TTC6: variants seen among roughly 807,000 people sequenced by gnomAD.
TTC6 encodes tetratricopeptide repeat domain 6.
A neutral mutation model predicts 210.4 loss-of-function variants in TTC6; 172 were observed. That is an observed-to-expected ratio of 0.82 (90% CI 0.72 to 0.93). The LOEUF (loss-of-function observed/expected upper bound fraction) is 0.93. TTC6 is among the 40% of genes least tolerant of loss of function. The pLI is 0.00. For missense variants in TTC6, 2,414 were observed against 2,318.1 expected, an observed-to-expected ratio of 1.04 and a Z score of -0.85; for synonymous variants, 804 against 819.6, an observed-to-expected ratio of 0.98 and a Z score of 0.32.
intron 14 of TTC6, among the ~76,000 whole-genome samples, chr14:37,765,449 G>A (rs1361030181): frequency 6.6e-6 from 1 of 151,022 alleles, no homozygotes; most frequent in Non-Finnish European, 1.5e-5. Flanking sequence ...CTGAAGTGCT[G>A]GGATTACAGA....
chr14:37,677,989 T>C (rs551269477), intron 1 of TTC6, among the ~76,000 whole-genome samples: 1 of 152,162 alleles, frequency 6.6e-6, no homozygotes, highest in Non-Finnish European at 1.5e-5. Context: ...AATTCTGAAA[T>C]GTATATCATT....
At chr14:37,717,169 C>G (rs1957598) in intron 6 of TTC6, among the ~76,000 whole-genome samples, 1 of 150,984 alleles carries the variant, frequency 6.6e-6, no homozygotes, top group Non-Finnish European at 1.5e-5. Flanking sequence ...AAGAACCCCC[C>G]AAAAAAAGAG....
chr14:37,611,949 C>G (rs535080923), intron 2 of TTC6, among the ~76,000 whole-genome samples: 10 of 152,062 alleles, frequency 6.6e-5, no homozygotes, highest in Non-Finnish European at 1.3e-4. Flanking sequence ...CACAATGGAA[C>G]TGTTGCAAAC....
exon 11 of TTC6, chr14:37,749,361 A>G: frequency 6.8e-7 from 1 of 1,464,958 alleles, no homozygotes; most frequent in Non-Finnish European, 9.0e-7. Context: ...ATTTATAGGA[A>G]ACTGGGAAAG....
intron 30 of TTC6, 97 bp from the exon 33 acceptor site, chr14:37,842,058 A>AT (rs956645933): frequency 2.6e-6 from 3 of 1,162,382 alleles, no homozygotes; most frequent in African/African-American, 3.2e-5. Flanking sequence ...CATTGAGTTA[A>AT]TTTTTTTAAA....
chr14:37,779,641 A>G (rs563743533), intron 14 of TTC6, among the ~76,000 whole-genome samples: 96 of 152,262 alleles, frequency 6.3e-4, no homozygotes, highest in African/African-American at 2.1e-3. Context: ...TTGCCTCTAA[A>G]ATTATCCCAG....
At chr14:37,717,078 C>T (rs1402046613) in intron 6 of TTC6, among the ~76,000 whole-genome samples, 1 of 151,470 alleles carries the variant, frequency 6.6e-6, no homozygotes, top group Non-Finnish European at 1.5e-5. Context: ...ATTTGTGGGA[C>T]ATAGCTAAGC....
chr14:37,825,381 T>C (rs561256059), intron 27 of TTC6, among the ~76,000 whole-genome samples: 1 of 152,216 alleles, frequency 6.6e-6, no homozygotes, highest in East Asian at 1.9e-4. Context: ...CCCTTAACAG[T>C]TGTATTTCTT....
intron 1 of TTC6, among the ~76,000 whole-genome samples, chr14:37,600,292 G>A (rs1260317637): frequency 1.3e-5 from 2 of 152,156 alleles, no homozygotes; most frequent in Admixed American, 6.5e-5. Context: ...GGCGAGGGTA[G>A]GTCAGGACCT....
chr14:37,744,767 C>T (rs1012737287), intron 10 of TTC6, among the ~76,000 whole-genome samples: 2 of 152,066 alleles, frequency 1.3e-5, no homozygotes, highest in African/African-American at 4.8e-5. Flanking sequence ...GAGTTGGGAG[C>T]AGTGAGTTCA....
intron 1 of TTC6, among the ~76,000 whole-genome samples, chr14:37,634,435 C>A (rs951465552): frequency 1.3e-5 from 2 of 151,982 alleles, no homozygotes; most frequent in East Asian, 3.9e-4. Flanking sequence ...GAGCTGAAAA[C>A]AGAGACAGTA....
At chr14:37,793,600 A>G (rs2096085515) in intron 17 of TTC6, among the ~76,000 whole-genome samples, 1 of 152,206 alleles carries the variant, frequency 6.6e-6, no homozygotes. Flanking sequence ...TGTCAGGGAA[A>G]GGATGGACAA....
chr14:37,745,282 T>G (rs866138650), intron 10 of TTC6, among the ~76,000 whole-genome samples: 41 of 152,306 alleles, frequency 2.7e-4, no homozygotes, highest in Middle Eastern at 6.8e-3. Flanking sequence ...TTTGTGATAA[T>G]TTATAGTCAC....
chr14:37,754,589 C>A (rs542258077), intron 14 of TTC6, among the ~76,000 whole-genome samples: 1 of 152,048 alleles, frequency 6.6e-6, no homozygotes, highest in Admixed American at 6.6e-5. Flanking sequence ...TCTGCCACCA[C>A]ACCTGGCTAA....
At chr14:37,751,280 T>C in intron 13 of TTC6, 55 bp downstream of exon 15, 3 of 1,302,048 alleles carry the variant, frequency 2.3e-6, no homozygotes, top group Non-Finnish European at 3.0e-6. Flanking sequence ...TGCGATATCC[T>C]CATGCAAATA....
At chr14:37,605,897 T>G (rs1005020675) in intron 1 of TTC6, among the ~76,000 whole-genome samples, 4 of 129,682 alleles carry the variant, frequency 3.1e-5, no homozygotes, top group South Asian at 2.3e-4. Context: ...ATTCACAGGT[T>G]TTTTTTTTTT....
chr14:37,737,798 A>C, intron 9 of TTC6, 64 bp downstream of exon 11: 1 of 873,908 alleles, frequency 1.1e-6, no homozygotes, highest in Non-Finnish European at 1.6e-6. Context: ...AATAATAATC[A>C]CCTTATTTTT....
At chr14:37,817,700 C>G (rs369325743) in intron 26 of TTC6, 49 bp downstream of exon 28, 2 of 1,549,338 alleles carry the variant, frequency 1.3e-6, no homozygotes, top group African/African-American at 1.4e-5. Flanking sequence ...GACCATCAGA[C>G]TTATCTAATT....
chr14:37,817,477 C>G, intron 25 of TTC6, 101 bp from the exon 28 acceptor site: 1 of 976,952 alleles, frequency 1.0e-6, no homozygotes, highest in Non-Finnish European at 1.6e-6. Flanking sequence ...AGATGTATAT[C>G]TTAATGCTTG....
Sources: allele counts gnomAD v4.1 joint callset (sites outside exome capture counted in the v4.1 genomes callset), GRCh38; gene constraint gnomAD v4.1.1; transcripts MANE v1.5; gene names NCBI Gene and HGNC (gene_info 2026-07-23, HGNC 2026-07-21).